The following ANKFN1 variants were observed in gnomAD, a reference collection of about 807,000 sequenced individuals.
ANKFN1 encodes the protein ankyrin repeat and fibronectin type III domain containing 1, also known as ankyrin repeat and fibronectin type-III domain-containing protein 1.
A neutral mutation model predicts 108.7 loss-of-function variants in ANKFN1; 74 were observed. The ratio of observed to expected loss-of-function variants is 0.68; its 90% CI spans 0.56 to 0.83. The LOEUF is 0.83. ANKFN1 is among the 40% of genes least tolerant of loss of function. The probability of loss-of-function intolerance (pLI) is 0.00; values close to 1 mark genes in which losing one functional copy is unlikely to be tolerated. For synonymous variants in ANKFN1, 547 were observed against 516.2 expected (o/e 1.06, Z -0.81); for missense variants, 1,505 against 1,382.3 (o/e 1.09, Z -1.41).
intron 4 of ANKFN1, among the ~76,000 whole-genome samples, chr17:56,129,629 G>T (rs149908274): frequency 1.1e-4 from 17 of 151,978 alleles, no homozygotes; most frequent in Non-Finnish European, 2.2e-4. Context: ...TCACATATAG[G>T]GTGATTTTAA....
chr17:56,277,324 A>G (rs2043960819), intron 3 of ANKFN1, among the ~76,000 whole-genome samples: 1 of 152,196 alleles, frequency 6.6e-6, no homozygotes, highest in Non-Finnish European at 1.5e-5. Context: ...TCCAAATTCT[A>G]CATGTTTGAC....
At chr17:56,239,556 T>A (rs1444788006) in intron 3 of ANKFN1, among the ~76,000 whole-genome samples, 2 of 152,162 alleles carry the variant, frequency 1.3e-5, no homozygotes, top group African/African-American at 4.8e-5. Flanking sequence ...ACATATTTTT[T>A]AAAAGGAATC....
chr17:56,276,571 G>A (rs993976328), intron 3 of ANKFN1, among the ~76,000 whole-genome samples: 22 of 152,152 alleles, frequency 1.4e-4, no homozygotes, highest in African/African-American at 5.1e-4. Flanking sequence ...GTATCTCATT[G>A]TGGTTTTGAT....
chr17:56,381,163 T>C (rs986343370), intron 8 of ANKFN1, among the ~76,000 whole-genome samples: 3 of 152,210 alleles, frequency 2.0e-5, no homozygotes, highest in African/African-American at 7.2e-5. Context: ...CCGCTGCTGA[T>C]ACCCAGGCAG....
chr17:56,261,472 A>C (rs1213381933), intron 3 of ANKFN1, among the ~76,000 whole-genome samples: 2 of 152,190 alleles, frequency 1.3e-5, no homozygotes, highest in Non-Finnish European at 2.9e-5. Flanking sequence ...ATTAAGGAGT[A>C]TTGTCTCACA....
chr17:56,269,180 A>G (rs888531315), intron 3 of ANKFN1, among the ~76,000 whole-genome samples: 3 of 152,198 alleles, frequency 2.0e-5, no homozygotes, highest in African/African-American at 7.2e-5. Flanking sequence ...AATATGAACC[A>G]GAAGCCATGC....
chr17:56,378,711 AT>A (rs2047007044), intron 8 of ANKFN1, among the ~76,000 whole-genome samples: 1 of 152,184 alleles, frequency 6.6e-6, no homozygotes, highest in Admixed American at 6.5e-5. Flanking sequence ...GGAGCAGGAA[AT>A]GTTACGTCCA....
chr17:56,270,908 C>T (rs1029546663), intron 3 of ANKFN1, among the ~76,000 whole-genome samples: 21 of 152,290 alleles, frequency 1.4e-4, no homozygotes, highest in African/African-American at 4.6e-4. Context: ...TATAGTAGTA[C>T]CTCCACCCTA....
At chr17:56,402,613 A>G (rs2047795784) in intron 8 of ANKFN1, among the ~76,000 whole-genome samples, 1 of 151,876 alleles carries the variant, frequency 6.6e-6, no homozygotes. Context: ...TAGTCCATCA[A>G]TTTTATTTAT....
intron 4 of ANKFN1, among the ~76,000 whole-genome samples, chr17:56,096,822 T>C (rs529571498): frequency 2.2e-4 from 34 of 152,332 alleles, no homozygotes; most frequent in African/African-American, 7.7e-4. Flanking sequence ...TGTGTGTTTA[T>C]TGCAGCAATA....
intron 3 of ANKFN1, among the ~76,000 whole-genome samples, chr17:56,244,568 A>G (rs1283013884): frequency 6.6e-6 from 1 of 152,132 alleles, no homozygotes; most frequent in Non-Finnish European, 1.5e-5. Flanking sequence ...TGATGTTACC[A>G]TTCATCTTTA....
Position 56,282,789 on chromosome 17 carries a change from G to C in ANKFN1, c.54-43432G>C, listed in dbSNP as rs548696476. 1.5e-3 allele frequency among the ~76,000 whole-genome samples: 230 copies of C among 151,972 alleles called. 1 individual carries two copies. Among genetic ancestry groups the C allele is most frequent in the Non-Finnish European group, 2.7e-3 (184 of 67,976 alleles). On this transcript the variant is annotated intron_variant, in intron 3 of 20. Coordinates refer to ENST00000682825, the MANE Select transcript of ANKFN1 (RefSeq NM_001370326.1). ...TACCTGTACCTAAACTTTAAGCTTT[G>C]ACAAAGTGTTGGCACATTCACTTTA...
At chr17:56,206,468 C>T (rs1914544320) in intron 1 of ANKFN1, 1 of 152,052 alleles carries the variant, frequency 6.6e-6, no homozygotes, top group South Asian at 2.1e-4. Context: ...CTATTCAACC[C>T]CCTCTTTCTG....
intron 6 of ANKFN1, among the ~76,000 whole-genome samples, chr17:56,366,976 A>G (rs1050218328): frequency 6.6e-6 from 1 of 152,244 alleles, no homozygotes; most frequent in Non-Finnish European, 1.5e-5. Context: ...AGGAAATTAC[A>G]CAGGACCAAG....
intron 4 of ANKFN1, among the ~76,000 whole-genome samples, chr17:56,093,501 C>CA (rs1567785356): frequency 1.3e-5 from 2 of 150,878 alleles, no homozygotes; most frequent in Admixed American, 6.6e-5. Flanking sequence ...ATACTAAGCG[C>CA]AAAAAACGGC....
At chr17:56,351,448 T>A (rs1366780405) in intron 5 of ANKFN1, among the ~76,000 whole-genome samples, 1 of 150,162 alleles carries the variant, frequency 6.7e-6, no homozygotes, top group Non-Finnish European at 1.5e-5. Context: ...GGGAAAAATA[T>A]AAAAAAAAAC....
In ANKFN1 at chr17:56,510,470, C is replaced by A; in HGVS notation, c.2645-3C>A. The A allele has an allele frequency of 6.5e-7, 1 of 1,533,022 alleles. No individual in the cohort carries two copies. The highest frequency in any genetic ancestry group is 2.4e-5 in the East Asian group (1 of 40,894). The allele number at this position is 1,533,022 out of a possible 1,614,324, so 95.0% of individuals were successfully genotyped here. A position where few individuals can be genotyped will look rare whatever the true frequency, so the allele number is the denominator to read the frequency against. On this transcript the variant is annotated splice_region_variant and splice_polypyrimidine_tract_variant and intron_variant, in intron 20 of 20. Coordinates refer to ENST00000682825, the MANE Select transcript of ANKFN1 (RefSeq NM_001370326.1). ...TTCCTAACCTCAGTTTCTGGCTTCG[C>A]AGATTCACAGCCCTGCTCTGATGAA...
At chr17:56,502,133 G>A (rs1394777106) in intron 20 of ANKFN1, among the ~76,000 whole-genome samples, 1 of 152,162 alleles carries the variant, frequency 6.6e-6, no homozygotes, top group Admixed American at 6.5e-5. Flanking sequence ...CCCACAATTT[G>A]TTTAACTCTA....
In ANKFN1 at chr17:56,148,327, G is replaced by A. The variant is rs554490506; in HGVS notation, c.289-79590G>A. Among the ~76,000 whole-genome samples the A allele has an allele frequency of 3.9e-5, 6 of 152,262 alleles. No individual in the cohort carries two copies. The South Asian group carries it at 1.0e-3, about 26-fold the overall frequency. ...GACACTAATCTAGCATTCTTTACAC[G>A]AATGGGATGATTCTCCTAATTTTAC... On this transcript the variant is annotated intron_variant, in intron 4 of 12. Coordinates refer to the ANKFN1 transcript ENST00000635860.
Sources: gnomAD v4.1 joint callset for allele counts (sites outside exome capture counted in the v4.1 genomes callset) on GRCh38, gnomAD v4.1.1 for gene constraint, MANE v1.5 for transcripts, NCBI Gene and HGNC (gene_info 2026-07-23, HGNC 2026-07-21) for gene names.